FFAR1: variants seen among roughly 807,000 people sequenced by gnomAD.
FFAR1 encodes free fatty acid receptor 1.
For synonymous variants in FFAR1, 216 were observed against 201.5 expected, an observed-to-expected ratio of 1.07 and a Z score of -0.61; for missense variants, 424 against 396.2, an observed-to-expected ratio of 1.07 and a Z score of -0.60.
At chr19:35,353,829 A>G (rs1248944534) in exon 1 of FFAR1, 1 of 152,224 alleles carries the variant, frequency 6.6e-6, no homozygotes, top group Admixed American at 6.5e-5. Context: ...GGGTTATTCA[A>G]AGTTTACGGT....
exon 1 of FFAR1, chr19:35,352,662 T>G: frequency 1.7e-6 from 1 of 604,752 alleles, no homozygotes. Context: ...GGGAGGTAAG[T>G]TTGCCCCTGC....
exon 1 of FFAR1, chr19:35,352,188 G>T (rs985892634): frequency 7.5e-6 from 12 of 1,603,142 alleles, no homozygotes; most frequent in African/African-American, 2.7e-5. Context: ...GGCCCGCTCC[G>T]GCCTGACGCA....
chr19:35,348,514 G>A (rs779146855), upstream of FFAR1, among the ~76,000 whole-genome samples: 32 of 152,128 alleles, frequency 2.1e-4, no homozygotes, highest in Admixed American at 5.2e-4. Flanking sequence ...CAGGAGAGTC[G>A]CTTGAACCTG....
rs1003438044 is a variant in FFAR1 at position 35,352,122 on chromosome 19, T to C, written c.571T>C (p.Phe191Leu). Residue 191 changes from phenylalanine to leucine, a missense_variant, in exon 1 of 1, where the codon TTT becomes CTT. Phe to Leu is a conservative substitution (Grantham distance 22). Coordinates refer to ENST00000246553, the Ensembl canonical transcript of FFAR1. ...CCGCTTCAGCCTCTCTCTCCTGCTC[T>C]TTTTTCTGCCCTTGGCCATCACAGC... 2 of 1,611,948 alleles carry C rather than the reference T, an allele frequency of 1.2e-6. No homozygotes were observed. Among genetic ancestry groups the C allele is most frequent in the African/African-American group, 2.7e-5 (2 of 75,054 alleles).
exon 1 of FFAR1, chr19:35,352,460 C>T: frequency 6.5e-7 from 1 of 1,550,090 alleles, no homozygotes; most frequent in South Asian, 1.2e-5. Context: ...AGTAACGCCA[C>T]TGCTCGGGGG....
chr19:35,351,073 TG>T (rs918545387), upstream of FFAR1, among the ~76,000 whole-genome samples: 1 of 151,006 alleles, frequency 6.6e-6, no homozygotes, highest in Non-Finnish European at 1.5e-5. Flanking sequence ...GGGTGGGGGG[TG>T]GGGGCAGCTC....
chr19:35,349,715 G>A (rs958543329), upstream of FFAR1, among the ~76,000 whole-genome samples: 18 of 152,184 alleles, frequency 1.2e-4, no homozygotes, highest in African/African-American at 4.1e-4. Context: ...CTGGAATTCG[G>A]AAGGGGCAGA....
chr19:35,351,845 C>T (rs541591995), exon 1 of FFAR1: 12 of 1,611,956 alleles, frequency 7.4e-6, no homozygotes, highest in African/African-American at 1.3e-5. Context: ...GCTTCCTGGC[C>T]GCCCTGAGTG....
At chr19:35,350,664 G>A (rs1321609372), upstream of FFAR1, among the ~76,000 whole-genome samples, 1 of 152,130 alleles carries the variant, frequency 6.6e-6, no homozygotes, top group Admixed American at 6.5e-5. Context: ...CTCTGGCGTG[G>A]CCTCACCTCC....
At chr19:35,351,613 C>T (rs1048730488) in exon 1 of FFAR1, 15 of 1,542,172 alleles carry the variant, frequency 9.7e-6, no homozygotes, top group Non-Finnish European at 1.2e-5. Context: ...CTGGGCTTCC[C>T]GCTCAACGTC....
At chr19:35,351,217 C>T (rs1186167551), upstream of FFAR1, among the ~76,000 whole-genome samples, 2 of 152,182 alleles carry the variant, frequency 1.3e-5, no homozygotes, top group African/African-American at 2.4e-5. Flanking sequence ...TCTCAGAAAT[C>T]GAGAAGCTTT....
At chr19:35,350,746 C>T (rs2066940770), upstream of FFAR1, among the ~76,000 whole-genome samples, 1 of 152,212 alleles carries the variant, frequency 6.6e-6, no homozygotes, top group African/African-American at 2.4e-5. Context: ...CACCCGCCCT[C>T]CTCCCCTTCC....
chr19:35,352,577 C>G, exon 1 of FFAR1: 2 of 1,091,820 alleles, frequency 1.8e-6, no homozygotes, highest in Non-Finnish European at 2.6e-6. Flanking sequence ...TGGAGCCACT[C>G]AAGCAGAGAG....
At chr19:35,351,680 C>A in exon 1 of FFAR1, 1 of 1,560,230 alleles carries the variant, frequency 6.4e-7, no homozygotes. Flanking sequence ...CTAGCCTGGT[C>A]TACGCCCTGA....
chr19:35,349,405 G>A (rs189463969), upstream of FFAR1, among the ~76,000 whole-genome samples: 66 of 152,344 alleles, frequency 4.3e-4, no homozygotes, highest in African/African-American at 1.5e-3. Context: ...CGCTCTTGCT[G>A]CAGGAGGGGA....
At chr19:35,349,196 G>A (rs1206656644), upstream of FFAR1, among the ~76,000 whole-genome samples, 1 of 152,140 alleles carries the variant, frequency 6.6e-6, no homozygotes, top group Admixed American at 6.5e-5. Context: ...TCAGGAGGCC[G>A]GCATTCTAGC....
At chr19:35,350,646 C>T (rs934769429), upstream of FFAR1, among the ~76,000 whole-genome samples, 1 of 152,190 alleles carries the variant, frequency 6.6e-6, no homozygotes, top group Non-Finnish European at 1.5e-5. Flanking sequence ...TTCCCAGCCC[C>T]TCACCTCCTC....
At chr19:35,350,362 C>T (rs556294456), upstream of FFAR1, among the ~76,000 whole-genome samples, 26 of 152,364 alleles carry the variant, frequency 1.7e-4, no homozygotes, top group African/African-American at 6.0e-4. Context: ...CACACACCCA[C>T]TGCCACTTGG....
upstream of FFAR1, among the ~76,000 whole-genome samples, chr19:35,348,175 G>C (rs2066928884): frequency 6.6e-6 from 1 of 152,174 alleles, no homozygotes. Context: ...TCCCATCTCT[G>C]CTCAGTACCC....
Sources: allele counts gnomAD v4.1 joint callset (sites outside exome capture counted in the v4.1 genomes callset), GRCh38; gene constraint gnomAD v4.1.1; transcripts MANE v1.5; gene names NCBI Gene and HGNC (gene_info 2026-07-23, HGNC 2026-07-21).